The following USP34 variants were observed in gnomAD, a reference collection of about 807,000 sequenced individuals.
USP34 encodes ubiquitin carboxyl-terminal hydrolase 34.
Under a neutral mutation model 460.3 loss-of-function variants are expected in USP34, and 70 were observed. That is an observed-to-expected ratio of 0.15 (90% CI 0.13 to 0.19). The LOEUF is 0.19. Among genes scored for constraint, USP34 ranks in the 10% least tolerant of loss-of-function variants. The pLI is 1.00. For missense variants in USP34, 3,985 were observed against 4,236.2 expected, an observed-to-expected ratio of 0.94 and a Z score of 1.65; for synonymous variants, 1,647 against 1,405.3, an observed-to-expected ratio of 1.17 and a Z score of -3.85.
chr2:61,242,923 T>G (rs1688310275), intron 51 of USP34, among the ~76,000 whole-genome samples: 1 of 152,086 alleles, frequency 6.6e-6, no homozygotes. Context: ...CTCAGCTCAC[T>G]GCAATCTCCG....
intron 48 of USP34, among the ~76,000 whole-genome samples, chr2:61,253,137 A>C (rs1024548364): frequency 6.6e-6 from 1 of 152,218 alleles, no homozygotes; most frequent in African/African-American, 2.4e-5. Context: ...CAATTGGCCC[A>C]TTTCTGTTGA....
intron 41 of USP34, among the ~76,000 whole-genome samples, chr2:61,267,862 T>C (rs1469395359): frequency 6.6e-6 from 1 of 151,996 alleles, no homozygotes; most frequent in Non-Finnish European, 1.5e-5. Context: ...GTGATCCATC[T>C]GCCAGCCTCG....
chr2:61,398,468 CG>C (rs1384905117), intron 3 of USP34, among the ~76,000 whole-genome samples: 13 of 88,240 alleles, frequency 1.5e-4, no homozygotes, highest in Admixed American at 7.8e-4. Context: ...GACGGAGAAG[CG>C]GGGGAAGGAG....
In USP34 at chr2:61,267,142, A is replaced by C. The variant is rs371504233; in HGVS notation, c.5434-975T>G. 1.3e-3 allele frequency among the ~76,000 whole-genome samples: 195 copies of C among 152,296 alleles called. 1 individual carries two copies. Among genetic ancestry groups the C allele is most frequent in the African/African-American group, 4.5e-3 (185 of 41,562 alleles). ...GAAGACAACCCTTGGTTAAGTTGCA[A>C]CTGGCTTCCTCCAGACTTCGCCTTG... is the stretch of plus-strand genomic sequence containing the variant. On this transcript the variant is annotated intron_variant, in intron 41 of 79. Transcript: ENST00000398571.
At chr2:61,404,755 T>C (rs1157562418) in intron 3 of USP34, among the ~76,000 whole-genome samples, 1 of 152,190 alleles carries the variant, frequency 6.6e-6, no homozygotes, top group Non-Finnish European at 1.5e-5. Flanking sequence ...GTGAGAATCA[T>C]GAGGAATAAT....
At chr2:61,390,259 T>A (rs1006923734) in intron 5 of USP34, among the ~76,000 whole-genome samples, 1 of 152,212 alleles carries the variant, frequency 6.6e-6, no homozygotes, top group Non-Finnish European at 1.5e-5. Context: ...TAAAAGGTGT[T>A]ATGTATGAAA....
At chr2:61,414,869 C>T (rs1354611068) in intron 2 of USP34, among the ~76,000 whole-genome samples, 2 of 152,090 alleles carry the variant, frequency 1.3e-5, no homozygotes, top group African/African-American at 4.8e-5. Flanking sequence ...ACACCCTATG[C>T]AAACATCTGA....
chr2:61,461,701 T>G (rs1695605297), intron 1 of USP34, among the ~76,000 whole-genome samples: 2 of 152,152 alleles, frequency 1.3e-5, no homozygotes, highest in South Asian at 2.1e-4. Context: ...CAGGTGAAAG[T>G]GCCCTTACAC....
intron 2 of USP34, among the ~76,000 whole-genome samples, chr2:61,418,701 G>A (rs992532265): frequency 3.3e-5 from 5 of 152,158 alleles, no homozygotes; most frequent in Non-Finnish European, 5.9e-5. Context: ...ATTTAGGGGA[G>A]GAAGAGAGGA....
chr2:61,332,167 CTGTT>C (rs1045254273), intron 19 of USP34, among the ~76,000 whole-genome samples: 4 of 152,006 alleles, frequency 2.6e-5, no homozygotes, highest in African/African-American at 9.7e-5. Flanking sequence ...TTGTGGAAGT[CTGTT>C]TGCTTGAAGG....
chr2:61,311,954 A>C, intron 25 of USP34, 44 bp from the exon 26 acceptor site: 1 of 1,596,598 alleles, frequency 6.3e-7, no homozygotes, highest in Non-Finnish European at 8.5e-7. Context: ...TACCATTTTA[A>C]ACCATTTTAA....
chr2:61,445,264 G>A (rs1009691274), intron 1 of USP34, among the ~76,000 whole-genome samples: 6 of 145,226 alleles, frequency 4.1e-5, no homozygotes, highest in African/African-American at 1.3e-4. Flanking sequence ...GGCCGGGCCC[G>A]GTGGCTCACA....
intron 20 of USP34, among the ~76,000 whole-genome samples, chr2:61,326,114 A>G (rs1691080404): frequency 6.6e-6 from 1 of 152,116 alleles, no homozygotes; most frequent in Admixed American, 6.6e-5. Flanking sequence ...GAAGAGATAG[A>G]AAAGGAAGTC....
chr2:61,257,759 T>C (rs566440693), intron 44 of USP34, among the ~76,000 whole-genome samples: 1 of 152,174 alleles, frequency 6.6e-6, no homozygotes, highest in East Asian at 1.9e-4. Context: ...ATACAAAAAC[T>C]AGCTGGGTGC....
chr2:61,261,031 A>C (rs926041607), intron 43 of USP34, among the ~76,000 whole-genome samples: 3 of 152,242 alleles, frequency 2.0e-5, no homozygotes, highest in Admixed American at 1.3e-4. Flanking sequence ...GTCAAGTGTT[A>C]GCAAGGACGT....
chr2:61,215,739 T>C (rs979206167), intron 67 of USP34, among the ~76,000 whole-genome samples: 2 of 152,226 alleles, frequency 1.3e-5, no homozygotes, highest in East Asian at 1.9e-4. Flanking sequence ...AAAACAATAA[T>C]AGTAATAACT....
At position 61,394,891 on chromosome 2, in the gene USP34, A is replaced by C; in HGVS notation, c.715T>G (p.Phe239Val). 1 of 1,597,560 alleles carries C rather than the reference A, an allele frequency of 6.3e-7. No individual in the cohort carries two copies. Among genetic ancestry groups the C allele is most frequent in the Non-Finnish European group, 8.5e-7 (1 of 1,174,904 alleles). ...FEYGTPETLP[F>V]LIAHAFITVV... ...GTAATAAACGCATGTGCTATAAGAA[A>C]TGGCAAAGTTTCAGGAGTTCCATAT... Residue 239 changes from phenylalanine to valine, a missense_variant, in exon 5 of 80, where the codon TTT becomes GTT. Around this residue, in one of 14 missense-constraint regions of USP34, gnomAD observed 331 missense variants for 293.7 expected, o/e 1.13. Coordinates refer to ENST00000398571, the MANE Select transcript of USP34 (RefSeq NM_014709.4).
At chr2:61,270,512 T>G (rs1438591563) in intron 41 of USP34, among the ~76,000 whole-genome samples, 1 of 152,210 alleles carries the variant, frequency 6.6e-6, no homozygotes, top group Non-Finnish European at 1.5e-5. Context: ...CTCGGCTCAC[T>G]GCAGCCTCCA....
At chr2:61,413,677 A>T (rs1478785718) in intron 2 of USP34, among the ~76,000 whole-genome samples, 1 of 136,010 alleles carries the variant, frequency 7.4e-6, no homozygotes, top group Non-Finnish European at 1.6e-5. Flanking sequence ...TAAAAAAATA[A>T]AAAATAAAAA....
Sources: allele counts gnomAD v4.1 joint callset (sites outside exome capture counted in the v4.1 genomes callset), GRCh38; gene constraint gnomAD v4.1.1; regional missense constraint gnomAD v4.1.1; transcripts MANE v1.5; gene names NCBI Gene and HGNC (gene_info 2026-07-23, HGNC 2026-07-21).